ARHGAP8: variants seen among roughly 807,000 people sequenced by gnomAD.
ARHGAP8 encodes the protein rho GTPase-activating protein 8.
ARHGAP8 carries 62 observed loss-of-function variants against 46.1 expected under a neutral mutation model. That is an observed-to-expected ratio of 1.34 (90% CI 1.10 to 1.66). ARHGAP8 has a LOEUF of 1.66. Ranked by LOEUF, ARHGAP8 falls within the 40% of genes most tolerant of loss-of-function variation. ARHGAP8 has a pLI of 0.00. For missense variants in ARHGAP8, 923 were observed against 568.4 expected, an observed-to-expected ratio of 1.62 and a Z score of -6.34; for synonymous variants, 375 against 243.1, an observed-to-expected ratio of 1.54 and a Z score of -5.05.
chr22:44,852,084 A>G (rs2070108059), intron 10 of ARHGAP8, among the ~76,000 whole-genome samples: 1 of 149,918 alleles, frequency 6.7e-6, no homozygotes, highest in South Asian at 2.1e-4. Context: ...CTAGCTACTC[A>G]GGAGGCTGAG....
At chr22:44,843,659 T>C (rs1931791986) in intron 7 of ARHGAP8, among the ~76,000 whole-genome samples, 1 of 151,804 alleles carries the variant, frequency 6.6e-6, no homozygotes, top group Non-Finnish European at 1.5e-5. Flanking sequence ...CAAAACCCTG[T>C]CTCTACAAAA....
At chr22:44,819,891 C>G (rs905567399) in intron 5 of ARHGAP8, among the ~76,000 whole-genome samples, 2 of 152,158 alleles carry the variant, frequency 1.3e-5, no homozygotes, top group African/African-American at 4.8e-5. Flanking sequence ...CTGTGTGGTT[C>G]TACCCCTCAT....
Position 44,862,740 on chromosome 22 carries a change from G to C in ARHGAP8, c.*145G>C. On this transcript the variant is annotated 3_prime_UTR_variant, in exon 12 of 12. Transcript: ENST00000356099. ...TGAAAACTCCATGCCTCTGGTCCTT[G>C]GACTCTTGTCCATGGTTCCTGAGCT... The C allele has an allele frequency of 1.0e-6, 1 of 1,001,576 alleles. No homozygotes were observed. The highest frequency in any genetic ancestry group is 2.1e-5 in the South Asian group (1 of 46,548). 62.0% of individuals were successfully genotyped at this position (1,001,576 alleles called of 1,614,324 possible).
At chr22:44,765,355 GC>G in intron 1 of ARHGAP8, 1 of 152,410 alleles carries the variant, frequency 6.6e-6, no homozygotes, top group Non-Finnish European at 1.5e-5. Context: ...GGGACCTGGT[GC>G]CCCCAGAAGT....
chr22:44,862,560 C>A lies in ARHGAP8; in HGVS notation c.1267C>A (p.Pro423Thr), dbSNP rs371629439. The A allele has an allele frequency of 6.3e-7, 1 of 1,597,108 alleles. No homozygotes were observed. Among genetic ancestry groups the A allele is most frequent in the East Asian group, 2.2e-5 (1 of 44,464 alleles). ...GGGCCTCACCAAGCCTACCCTACCTCCGAGTCCCCTGATGGCAGCCAGAAG... is the reference window on the plus strand; with the variant it reads ...GGGCCTCACCAAGCCTACCCTACCTACGAGTCCCCTGATGGCAGCCAGAAG... Reference protein sequence around the residue: ...ATGLTKPTLPPSPLMAARRRL With the variant: ...ATGLTKPTLPTSPLMAARRRL The change falls in exon 12 of 12, where the codon CCG becomes ACG. Residue 423 changes from proline (P) to threonine (T), a missense_variant. Physicochemically the swap from Pro to Thr is conservative, Grantham distance 38. Coordinates refer to ENST00000356099, the MANE Select transcript of ARHGAP8 (RefSeq NM_181335.3).
In ARHGAP8 at chr22:44,822,553, G is replaced by C. The variant is rs1389684971; in HGVS notation, c.485+84G>C. ...TTGGTTCAGTCCCATGAATGTTTAA[G>C]GCTTGATTTCCAAATGTGTGCTTGG... On this transcript the variant is annotated intron_variant, in intron 6 of 11. Transcript: ENST00000356099. 8.0e-6 allele frequency: 10 copies of C among 1,250,332 alleles called. No individual in the cohort carries two copies. In the East Asian group the frequency reaches 2.8e-4, roughly 35 times the overall value. The allele number at this position is 1,250,332 out of a possible 1,614,324, so 77.5% of individuals were successfully genotyped here. A position where few individuals can be genotyped will look rare whatever the true frequency, so the allele number is the denominator to read the frequency against.
intron 5 of ARHGAP8, among the ~76,000 whole-genome samples, chr22:44,817,746 G>T (rs894948270): frequency 3.3e-5 from 5 of 152,126 alleles, no homozygotes; most frequent in African/African-American, 1.2e-4. Flanking sequence ...GGCAGAGGTT[G>T]CAGTGAGTCA....
chr22:44,792,004 T>G (rs1927723214), intron 2 of ARHGAP8, among the ~76,000 whole-genome samples: 3 of 146,414 alleles, frequency 2.0e-5, no homozygotes, highest in Non-Finnish European at 4.5e-5. Context: ...TTTCTTCTTT[T>G]TCTTCTTTCT....
At chr22:44,773,028 C>G (rs773588733) in intron 1 of ARHGAP8, among the ~76,000 whole-genome samples, 1 of 151,960 alleles carries the variant, frequency 6.6e-6, no homozygotes, top group Non-Finnish European at 1.5e-5. Flanking sequence ...GTTGCCCAGG[C>G]CAGTCTTAAA....
intron 6 of ARHGAP8, among the ~76,000 whole-genome samples, chr22:44,824,571 C>T (rs996994393): frequency 3.3e-5 from 5 of 152,124 alleles, no homozygotes; most frequent in South Asian, 2.1e-4. Context: ...ACGTATTTGC[C>T]TGTGTTAAGG....
chr22:44,768,764 C>T (rs1191068107), intron 1 of ARHGAP8, among the ~76,000 whole-genome samples: 1 of 151,930 alleles, frequency 6.6e-6, no homozygotes, highest in Non-Finnish European at 1.5e-5. Context: ...TCAGGTCGCC[C>T]TTCTGTCATG....
chr22:44,788,713 G>C (rs1489983681), intron 2 of ARHGAP8, among the ~76,000 whole-genome samples: 1 of 152,130 alleles, frequency 6.6e-6, no homozygotes, highest in African/African-American at 2.4e-5. Context: ...TATTTTAAAT[G>C]AATAAATATT....
chr22:44,755,671 C>G (rs1924612391), intron 1 of ARHGAP8, among the ~76,000 whole-genome samples: 1 of 152,204 alleles, frequency 6.6e-6, no homozygotes, highest in Admixed American at 6.5e-5. Flanking sequence ...CCCTGGAAGG[C>G]AGAGGACCTG....
intron 1 of ARHGAP8, among the ~76,000 whole-genome samples, chr22:44,785,166 T>G (rs1046000224): frequency 2.0e-5 from 3 of 152,124 alleles, no homozygotes; most frequent in African/African-American, 7.2e-5. Context: ...TGACTTTGCA[T>G]CAGAATCACC....
intron 1 of ARHGAP8, among the ~76,000 whole-genome samples, chr22:44,762,795 C>A (rs1226529977): frequency 3.3e-5 from 5 of 152,074 alleles, no homozygotes; most frequent in Non-Finnish European, 7.4e-5. Context: ...CCACCTGCCT[C>A]AGCCTCCCAA....
At chr22:44,849,356 C>G (rs1036783290) in intron 10 of ARHGAP8, 4 of 413,678 alleles carry the variant, frequency 9.7e-6, no homozygotes, top group Non-Finnish European at 1.8e-5. Context: ...AGATTTGGGG[C>G]TCATCATCCT....
intron 7 of ARHGAP8, among the ~76,000 whole-genome samples, chr22:44,827,336 GTTTT>G (rs796490147): frequency 0.044 from 2,983 of 67,046 alleles, 34 homozygotes; most frequent in Middle Eastern, 0.25. Flanking sequence ...TTGGGTGGTG[GTTTT>G]TTTTTTTTTT....
intron 7 of ARHGAP8, among the ~76,000 whole-genome samples, chr22:44,838,167 T>C (rs1931414886): frequency 6.7e-6 from 1 of 149,754 alleles, no homozygotes; most frequent in South Asian, 2.1e-4. Flanking sequence ...AGACGGAGTC[T>C]TGCTCTGTTG....
intron 7 of ARHGAP8, 147 bp downstream of exon 7, chr22:44,825,740 C>A: frequency 9.6e-7 from 1 of 1,039,878 alleles, no homozygotes. Flanking sequence ...GAGCTCATCA[C>A]TGAGGCCGTG....
Sources: gnomAD v4.1 joint callset for allele counts (sites outside exome capture counted in the v4.1 genomes callset) on GRCh38, gnomAD v4.1.1 for gene constraint, MANE v1.5 for transcripts, NCBI Gene and HGNC (gene_info 2026-07-23, HGNC 2026-07-21) for gene names.